Variants in GALNT17 observed in about 807,000 individuals in gnomAD.
The protein encoded by GALNT17 is UDP-GalNAc:polypeptide N-acetylgalactosaminyltransferase-like 3.
A neutral mutation model predicts 63.7 loss-of-function variants in GALNT17; 29 were observed. That is an observed-to-expected ratio of 0.46 (90% confidence interval 0.34 to 0.62). GALNT17 has a LOEUF of 0.62. Among genes scored for constraint, GALNT17 ranks in the 20% least tolerant of loss-of-function variants. The pLI, the probability that GALNT17 is intolerant of heterozygous loss-of-function variation, is 0.01. For missense variants in GALNT17, 603 were observed against 799.6 expected (o/e 0.75, Z 2.97); for synonymous variants, 305 against 318.3 (o/e 0.96, Z 0.45).
Position 71,693,192 on chromosome 7 carries a change from G to A in GALNT17, c.1500+15886G>A, listed in dbSNP as rs548138310. Among the ~76,000 whole-genome samples, 166 of 126,088 alleles carry A rather than the reference G, an allele frequency of 1.3e-3. 3 individuals are homozygous for A. The highest frequency in any genetic ancestry group is 4.4e-3 in the African/African-American group (159 of 36,450). 82.7% of individuals were successfully genotyped at this position (126,088 alleles called of 152,430 possible). A position where few individuals can be genotyped will look rare whatever the true frequency, so the allele number is the denominator to read the frequency against. On this transcript the variant is annotated intron_variant, in intron 9 of 10. Transcript: ENST00000333538. Reference sequence around the variant, plus strand: ...ATACTATAATATAAATAGTGTGTGTGTATATAGTGTGTGTATATATATCTA... The same window carrying A: ...ATACTATAATATAAATAGTGTGTGTATATATAGTGTGTGTATATATATCTA...
At chr7:71,350,546 A>G (rs775110019) in intron 2 of GALNT17, among the ~76,000 whole-genome samples, 9 of 152,232 alleles carry the variant, frequency 5.9e-5, no homozygotes, top group Non-Finnish European at 1.3e-4. Flanking sequence ...TAAAAAATAC[A>G]AATAAAAAAA....
Position 71,246,115 on chromosome 7 carries a change from G to GTTTT in GALNT17, c.239-89414_239-89411dup, listed in dbSNP as rs61447370. Among the ~76,000 whole-genome samples, 489 of 91,968 alleles carry GTTTT rather than the reference G, an allele frequency of 5.3e-3. 8 individuals carry two copies. Among genetic ancestry groups the GTTTT allele is most frequent in the African/African-American group, 0.011 (265 of 24,612 alleles). 60.3% of individuals were successfully genotyped at this position (91,968 alleles called of 152,430 possible). On this transcript the variant is annotated intron_variant, in intron 1 of 10. Transcript: ENST00000333538. The stretch of plus-strand genomic sequence containing the variant: ...TGATGGCCTCATAGCTTTTTTCGTT[G>GTTTT]TTTTTTTTTTTTTTTTTTTTTTTTG...
intron 2 of GALNT17, among the ~76,000 whole-genome samples, chr7:71,342,198 A>C (rs1178910431): frequency 6.6e-6 from 1 of 152,158 alleles, no homozygotes; most frequent in African/African-American, 2.4e-5. Context: ...CTTGGCTTCT[A>C]CTTGGCTTCT....
intron 1 of GALNT17, among the ~76,000 whole-genome samples, chr7:71,143,259 T>C (rs1787950552): frequency 6.6e-6 from 1 of 151,610 alleles, no homozygotes; most frequent in Non-Finnish European, 1.5e-5. Flanking sequence ...CTGTCTCTAC[T>C]AAAAGTACAA....
Position 71,132,743 on chromosome 7 carries a change from C to G in GALNT17, c.-60C>G. ...AGGCTTGCACGGCCCCTGGCTGCCC[C>G]GCGCCTCGCCGGAGCCCGAGGGGGC... On this transcript the variant is annotated 5_prime_UTR_variant, in exon 1 of 11. Transcript: ENST00000333538. 3 of 1,438,778 alleles carry G rather than the reference C, an allele frequency of 2.1e-6. No homozygotes were observed. In the South Asian group the frequency reaches 4.0e-5, roughly 19 times the overall value. 89.1% of individuals were successfully genotyped at this position (1,438,778 alleles called of 1,614,324 possible). A position where few individuals can be genotyped will look rare whatever the true frequency, so the allele number is the denominator to read the frequency against.
At chr7:71,285,130 T>C (rs1274000917) in intron 1 of GALNT17, among the ~76,000 whole-genome samples, 1 of 152,212 alleles carries the variant, frequency 6.6e-6, no homozygotes, top group Non-Finnish European at 1.5e-5. Flanking sequence ...CCGCAGAAAT[T>C]ACAAAATTCA....
At chr7:71,227,365 A>G (rs1030533279) in intron 1 of GALNT17, among the ~76,000 whole-genome samples, 1 of 148,452 alleles carries the variant, frequency 6.7e-6, no homozygotes, top group African/African-American at 2.5e-5. Flanking sequence ...CCCTGTCTCT[A>G]AAAAATGGAA....
chr7:71,478,599 A>G (rs972891363), intron 5 of GALNT17, among the ~76,000 whole-genome samples: 11 of 152,092 alleles, frequency 7.2e-5, no homozygotes, highest in African/African-American at 2.7e-4. Flanking sequence ...ATCAGGGGTG[A>G]GCCACCGCAC....
chr7:71,167,216 C>T (rs375589452), intron 1 of GALNT17, among the ~76,000 whole-genome samples: 11 of 151,784 alleles, frequency 7.2e-5, no homozygotes, highest in African/African-American at 1.5e-4. Context: ...CTGTTTTTTC[C>T]GTTTTATATT....
At chr7:71,145,233 A>G (rs1028322544) in intron 1 of GALNT17, among the ~76,000 whole-genome samples, 4 of 152,076 alleles carry the variant, frequency 2.6e-5, no homozygotes, top group East Asian at 3.9e-4. Flanking sequence ...GGAAAACTGA[A>G]CGCTTCATGT....
intron 3 of GALNT17, among the ~76,000 whole-genome samples, chr7:71,397,663 C>T (rs142560541): frequency 4.7e-4 from 72 of 152,286 alleles, no homozygotes; most frequent in African/African-American, 1.6e-3. Flanking sequence ...TGTGGCTGTG[C>T]GTTGTTGTCG....
chr7:71,503,285 G>T (rs1178259577), intron 5 of GALNT17, among the ~76,000 whole-genome samples: 1 of 152,160 alleles, frequency 6.6e-6, no homozygotes, highest in African/African-American at 2.4e-5. Context: ...CTGTCACCCA[G>T]GCTGGAGTGC....
chr7:71,329,599 T>A (rs1791766966), intron 1 of GALNT17, among the ~76,000 whole-genome samples: 1 of 151,648 alleles, frequency 6.6e-6, no homozygotes, highest in East Asian at 1.9e-4. Flanking sequence ...AAACTTAGAA[T>A]CATGGCAGAA....
intron 3 of GALNT17, among the ~76,000 whole-genome samples, chr7:71,411,278 G>A (rs542451087): frequency 1.3e-5 from 2 of 151,944 alleles, no homozygotes; most frequent in Admixed American, 6.6e-5. Context: ...GTGCCACCAC[G>A]CCTGGCTAAT....
intron 1 of GALNT17, among the ~76,000 whole-genome samples, chr7:71,335,251 C>T (rs1487291677): frequency 2.0e-5 from 3 of 152,102 alleles, no homozygotes; most frequent in Non-Finnish European, 4.4e-5. Flanking sequence ...CCTGCCTCAG[C>T]CTCTCGAGTA....
At chr7:71,569,309 A>G (rs1789399089) in intron 5 of GALNT17, among the ~76,000 whole-genome samples, 1 of 152,124 alleles carries the variant, frequency 6.6e-6, no homozygotes, top group Non-Finnish European at 1.5e-5. Flanking sequence ...CAAGAGGTAC[A>G]CGTGCAGATT....
At position 71,230,749 on chromosome 7, in the gene GALNT17, TG is replaced by T. The variant is rs201939800; in HGVS notation, c.238+97712del. On this transcript the variant is annotated intron_variant, in intron 1 of 10. Coordinates refer to ENST00000333538, the MANE Select transcript of GALNT17 (RefSeq NM_022479.3). ...TTAGGAGGGCATCCAGACCCATCCC[TG>T]GGTGTGTTTTTGGTTTTTCAGATCC... Among the ~76,000 whole-genome samples the T allele has an allele frequency of 6.3e-3, 957 of 152,282 alleles. 10 individuals are homozygous for T. Among genetic ancestry groups the T allele is most frequent in the African/African-American group, 0.022 (905 of 41,566 alleles).
chr7:71,686,102 C>A (rs1397882642), intron 9 of GALNT17, among the ~76,000 whole-genome samples: 1 of 150,954 alleles, frequency 6.6e-6, no homozygotes, highest in African/African-American at 2.4e-5. Flanking sequence ...TTACAGGCAC[C>A]TGCCACCACA....
At chr7:71,529,527 A>G (rs1788680118) in intron 5 of GALNT17, among the ~76,000 whole-genome samples, 1 of 152,264 alleles carries the variant, frequency 6.6e-6, no homozygotes, top group Admixed American at 6.5e-5. Context: ...TAAAGTAGAT[A>G]TATAAAGCTT....
Sources: allele counts gnomAD v4.1 joint callset (sites outside exome capture counted in the v4.1 genomes callset), GRCh38; gene constraint gnomAD v4.1.1; transcripts MANE v1.5; gene names NCBI Gene and HGNC (gene_info 2026-07-23, HGNC 2026-07-21).